INTS8: variants seen among roughly 807,000 people sequenced by gnomAD.
INTS8 encodes the protein protein kaonashi-1.
A neutral mutation model predicts 138.9 loss-of-function variants in INTS8; 47 were observed. That is an observed-to-expected ratio of 0.34 (90% CI 0.27 to 0.43). The LOEUF (loss-of-function observed/expected upper bound fraction) is 0.43, where lower values mean the gene tolerates loss of function less well. Ranked by LOEUF, INTS8 falls within the 20% of genes least tolerant of loss-of-function variation. INTS8 has a pLI of 1.00. For missense variants in INTS8, 996 were observed against 1,173.0 expected (o/e 0.85, Z 2.20); for synonymous variants, 392 against 400.9 (o/e 0.98, Z 0.27).
At position 94,853,052 on chromosome 8, in the gene INTS8, C is replaced by T. The variant is rs189398463; in HGVS notation, c.1642-753C>T. Among the ~76,000 whole-genome samples, 720 of 152,190 alleles carry T rather than the reference C, an allele frequency of 4.7e-3. 7 individuals are homozygous for T. Among genetic ancestry groups the T allele is most frequent in the Non-Finnish European group, 7.2e-3 (487 of 67,998 alleles). ...AAGGCCAGGTGCAGTGGCTCATTGC[C>T]TGTAATCCCAGCACTTTGGGGAGCT... On this transcript the variant is annotated intron_variant, in intron 13 of 26. Transcript: ENST00000523731.
chr8:94,848,811 A>G (rs913407544), intron 10 of INTS8, among the ~76,000 whole-genome samples: 4 of 152,032 alleles, frequency 2.6e-5, no homozygotes, highest in African/African-American at 9.7e-5. Flanking sequence ...AATATTTAGC[A>G]ATTTCTTGAG....
At chr8:94,858,886 T>C (rs1237131586) in intron 15 of INTS8, among the ~76,000 whole-genome samples, 7 of 152,228 alleles carry the variant, frequency 4.6e-5, no homozygotes, top group African/African-American at 1.7e-4. Context: ...AAAGGACTGA[T>C]AGCTCTGCAT....
chr8:94,871,561 G>C (rs551809413), intron 20 of INTS8, among the ~76,000 whole-genome samples: 2 of 152,084 alleles, frequency 1.3e-5, no homozygotes, highest in Non-Finnish European at 2.9e-5. Context: ...GCAGAGGTAA[G>C]GGTTTTATCT....
Position 94,823,473 on chromosome 8 carries a change from C to T in INTS8, c.42C>T (p.Ser14=). 1 of 1,548,662 alleles carries T rather than the reference C, an allele frequency of 6.5e-7. No homozygotes were observed. Among genetic ancestry groups the T allele is most frequent in the Middle Eastern group, 1.8e-4 (1 of 5,710 alleles). ...CGGACCGGGAGGCGGCCACCTCCAG[C>T]CGGCCCTGCACCCCGCCGCAGACCT... ...EAADREAATS[S]RPCTPPQTCW... The change falls in exon 1 of 27, where the codon AGC becomes AGT. Residue 14 remains serine, a synonymous_variant. Coordinates refer to ENST00000523731, the MANE Select transcript of INTS8 (RefSeq NM_017864.4).
chr8:94,872,860 A>AG (rs1816445844), intron 21 of INTS8, among the ~76,000 whole-genome samples: 1 of 152,174 alleles, frequency 6.6e-6, no homozygotes, highest in African/African-American at 2.4e-5. Context: ...AATTTTTTAA[A>AG]GGGAAAGTTC....
chr8:94,876,653 T>G, intron 26 of INTS8, 164 bp downstream of exon 26: 1 of 525,098 alleles, frequency 1.9e-6, no homozygotes. Context: ...TTTTAACTGT[T>G]CCATGTCATT....
chr8:94,877,273 T>C (rs1816596222), intron 26 of INTS8, among the ~76,000 whole-genome samples: 1 of 152,234 alleles, frequency 6.6e-6, no homozygotes, highest in Non-Finnish European at 1.5e-5. Context: ...ACAGATCTTT[T>C]CTTTGCTCTT....
At chr8:94,827,202 G>C (rs551885514) in intron 2 of INTS8, 61 bp from the exon 3 acceptor site, 3 of 1,426,632 alleles carry the variant, frequency 2.1e-6, no homozygotes, top group South Asian at 2.3e-5. Flanking sequence ...ATGGAATTTT[G>C]TATGTATTTT....
chr8:94,861,425 C>T (rs1461004058), intron 16 of INTS8, among the ~76,000 whole-genome samples: 8 of 151,570 alleles, frequency 5.3e-5, no homozygotes, highest in African/African-American at 7.3e-5. Context: ...CCATGCCCGG[C>T]TAATTTTTTG....
At chr8:94,831,066 G>A (rs1043184649) in intron 5 of INTS8, among the ~76,000 whole-genome samples, 5 of 152,138 alleles carry the variant, frequency 3.3e-5, no homozygotes, top group Admixed American at 3.3e-4. Context: ...AAAGTGCTGG[G>A]ATTACAGGTG....
chr8:94,824,431 C>T (rs534754187), intron 1 of INTS8, among the ~76,000 whole-genome samples: 225 of 152,288 alleles, frequency 1.5e-3, no homozygotes, highest in Middle Eastern at 0.01. Flanking sequence ...TCCGTTACCT[C>T]CTTTAATTTA....
Position 94,880,337 on chromosome 8 carries a change from T to G in INTS8, c.*103T>G, listed in dbSNP as rs912126856. Reference sequence around the variant, plus strand: ...ATACATATGTACACAATTAGTGGTGTTTTCTTTTCAGACAAAATACTGAAA... The same window carrying G: ...ATACATATGTACACAATTAGTGGTGGTTTCTTTTCAGACAAAATACTGAAA... On this transcript the variant is annotated 3_prime_UTR_variant, in exon 27 of 27. Transcript: ENST00000523731. 5.0e-5 allele frequency: 30 copies of G among 595,882 alleles called. No homozygotes were observed. The highest frequency in any genetic ancestry group is 3.6e-4 in the African/African-American group (19 of 53,052). 36.9% of individuals were successfully genotyped at this position (595,882 alleles called of 1,614,324 possible).
At chr8:94,874,643 T>C (rs1208084648) in intron 23 of INTS8, 41 bp downstream of exon 23, 2 of 1,133,700 alleles carry the variant, frequency 1.8e-6, no homozygotes, top group African/African-American at 3.1e-5. Flanking sequence ...TTTTTACATA[T>C]GTTAGAGTTT....
chr8:94,847,596 T>C (rs1467543717), intron 10 of INTS8, among the ~76,000 whole-genome samples: 1 of 152,184 alleles, frequency 6.6e-6, no homozygotes, highest in Non-Finnish European at 1.5e-5. Flanking sequence ...TTTTAAGAAG[T>C]TATTTTCTAA....
At chr8:94,868,512 C>T (rs929867826) in intron 20 of INTS8, among the ~76,000 whole-genome samples, 2 of 152,180 alleles carry the variant, frequency 1.3e-5, no homozygotes, top group Middle Eastern at 3.2e-3. Flanking sequence ...GGCTTGTTTC[C>T]CAAGGGAGCA....
chr8:94,871,456 C>T (rs963098392), intron 20 of INTS8, among the ~76,000 whole-genome samples: 1 of 150,626 alleles, frequency 6.6e-6, no homozygotes, highest in African/African-American at 2.4e-5. Flanking sequence ...CCAACCTGGG[C>T]GACAGAGTGA....
intron 6 of INTS8, among the ~76,000 whole-genome samples, chr8:94,834,928 A>G (rs1434889534): frequency 6.6e-6 from 1 of 152,174 alleles, no homozygotes; most frequent in African/African-American, 2.4e-5. Context: ...GTTTTGTGGT[A>G]TAAAAGGAGT....
chr8:94,833,658 A>G (rs1015934203), intron 6 of INTS8, among the ~76,000 whole-genome samples: 1 of 152,226 alleles, frequency 6.6e-6, no homozygotes, highest in African/African-American at 2.4e-5. Context: ...AAACTCCTGT[A>G]AAACATCTGT....
intron 13 of INTS8, 146 bp from the exon 14 acceptor site, chr8:94,853,659 T>C (rs185202038): frequency 7.5e-6 from 4 of 533,830 alleles, no homozygotes; most frequent in Middle Eastern, 5.1e-4. Flanking sequence ...GTTAGTGTTA[T>C]ATTATGGCTG....
Sources: gnomAD v4.1 joint callset for allele counts (sites outside exome capture counted in the v4.1 genomes callset) on GRCh38, gnomAD v4.1.1 for gene constraint, MANE v1.5 for transcripts, NCBI Gene and HGNC (gene_info 2026-07-23, HGNC 2026-07-21) for gene names.